Variants in PSMD9 observed in about 807,000 individuals in gnomAD.
PSMD9 encodes 26S proteasome non-ATPase regulatory subunit 9.
In PSMD9, 26 loss-of-function variants were observed where a neutral mutation model predicts 25.9. The observed-to-expected ratio is 1.00, with a 90% CI of 0.73 to 1.39. The LOEUF (loss-of-function observed/expected upper bound fraction) is 1.39. Ranked by LOEUF, PSMD9 falls within the 40% of genes most tolerant of loss-of-function variation. PSMD9 has a pLI of 0.00. For synonymous variants in PSMD9, 110 were observed against 114.5 expected, an observed-to-expected ratio of 0.96 and a Z score of 0.25; for missense variants, 303 against 299.3, an observed-to-expected ratio of 1.01 and a Z score of -0.09.
At chr12:121,907,377 G>GA (rs1565894430) in intron 4 of PSMD9, among the ~76,000 whole-genome samples, 1 of 141,222 alleles carries the variant, frequency 7.1e-6, no homozygotes. Context: ...GCCTTTCTTT[G>GA]TTTTTTTTTT....
chr12:121,892,708 AAAAAATT>A (rs1239286770), intron 1 of PSMD9, among the ~76,000 whole-genome samples: 1 of 152,084 alleles, frequency 6.6e-6, no homozygotes, highest in Non-Finnish European at 1.5e-5. Context: ...CTTTAAAAAA[AAAAAATT>A]AAAAATTAAA....
intron 1 of PSMD9, 165 bp from the exon 2 acceptor site, chr12:121,894,574 G>A (rs977219802): frequency 3.7e-5 from 23 of 620,556 alleles, no homozygotes; most frequent in African/African-American, 3.0e-4. Flanking sequence ...CCCACCCCAG[G>A]GTAGTTGTGA....
chr12:121,893,695 C>T (rs574480559), intron 1 of PSMD9: 1 of 152,402 alleles, frequency 6.6e-6, no homozygotes, highest in African/African-American at 2.4e-5. Flanking sequence ...CCTCCTGTGT[C>T]TGTCCCACAC....
At chr12:121,916,070 G>A in intron 5 of PSMD9, 126 bp downstream of exon 5, 1 of 1,214,484 alleles carries the variant, frequency 8.2e-7, no homozygotes, top group Non-Finnish European at 1.2e-6. Context: ...CATGGAAACT[G>A]CAGATAAATC....
Position 121,903,185 on chromosome 12 carries a change from A to G in PSMD9, c.555+78A>G, listed in dbSNP as rs539150569. The G allele has an allele frequency of 6.7e-5, 85 of 1,276,538 alleles. No individual in the cohort carries two copies. The East Asian group carries it at 1.9e-3, about 29-fold the overall frequency. 79.1% of individuals were successfully genotyped at this position (1,276,538 alleles called of 1,614,324 possible). On this transcript the variant is annotated intron_variant, in intron 4 of 5. Transcript: ENST00000541212. The stretch of plus-strand genomic sequence containing the variant: ...CCATAGACTGCGTGGCTTACAAACA[A>G]CAGAAGTTCATTTTTCACAGCTCTG...
chr12:121,913,696 C>G (rs1159103431), intron 4 of PSMD9, among the ~76,000 whole-genome samples: 2 of 151,608 alleles, frequency 1.3e-5, no homozygotes, highest in Non-Finnish European at 2.9e-5. Context: ...GACGAGATCT[C>G]TCTTTGTTGC....
chr12:121,899,537 A>G, intron 2 of PSMD9, 97 bp from the exon 3 acceptor site: 1 of 1,155,288 alleles, frequency 8.7e-7, no homozygotes, highest in South Asian at 1.5e-5. Flanking sequence ...CACATCTGGC[A>G]TGTAATAAGC....
At position 121,916,323 on chromosome 12, in the gene PSMD9, G is replaced by A. The variant is rs1879901342; in HGVS notation, c.*12G>A. 9.9e-6 allele frequency: 16 copies of A among 1,613,716 alleles called. No individual in the cohort carries two copies. In the East Asian group the frequency reaches 3.3e-4, roughly 34 times the overall value. On this transcript the variant is annotated 3_prime_UTR_variant, in exon 6 of 6. Transcript: ENST00000541212. ...CTCTGCAAAGATGATTGTCCCTGGG[G>A]AACAGTAACAGGAAAGCATCTTCCC...
At position 121,899,580 on chromosome 12, in the gene PSMD9, G is replaced by C. The variant is rs1879328345; in HGVS notation, c.242-54G>C. 23 of 1,479,562 alleles carry C rather than the reference G, an allele frequency of 1.6e-5. No individual in the cohort carries two copies. In the South Asian group the frequency reaches 2.9e-4, roughly 18 times the overall value. The allele number at this position is 1,479,562 out of a possible 1,614,324, so 91.7% of individuals were successfully genotyped here. On this transcript the variant is annotated intron_variant, in intron 2 of 5. Coordinates refer to ENST00000541212, the MANE Select transcript of PSMD9 (RefSeq NM_002813.7). Reference sequence around the variant, plus strand: ...AACTCTTCAGTGAATAAATGTAGGAGTCTTGTGTCCTCCACTGTCTTCCTT... The same window carrying C: ...AACTCTTCAGTGAATAAATGTAGGACTCTTGTGTCCTCCACTGTCTTCCTT...
chr12:121,916,532 G>A lies in PSMD9; in HGVS notation c.*221G>A, dbSNP rs1416518160. 15 of 584,912 alleles carry A rather than the reference G, an allele frequency of 2.6e-5. No homozygotes were observed. Among genetic ancestry groups the A allele is most frequent in the Non-Finnish European group, 6.0e-6 (2 of 331,076 alleles). 36.2% of individuals were successfully genotyped at this position (584,912 alleles called of 1,614,324 possible). On this transcript the variant is annotated 3_prime_UTR_variant, in exon 6 of 6. Coordinates refer to ENST00000541212, the MANE Select transcript of PSMD9 (RefSeq NM_002813.7). ...GGCCTCTTTCACAAATTAGGCCACG[G>A]CCCTAAATAGGAATTCCCTGGATTG...
Position 121,915,868 on chromosome 12 carries a change from G to A in PSMD9, c.568G>A (p.Val190Met). The change falls in exon 5 of 6, where the codon GTG becomes ATG. Residue 190 changes from valine (V) to methionine (M), a missense_variant. Physicochemically the swap from Val to Met is conservative, Grantham distance 21. Coordinates refer to ENST00000541212, the MANE Select transcript of PSMD9 (RefSeq NM_002813.7). ...ATTTTCTTTTCAGAAGCCCCTGAAT[G>A]TGACAGTGATCCGCAGGGGGGAAAA... is the stretch of plus-strand genomic sequence containing the variant. The part of the protein sequence containing the change: ...VQHSEGKPLN[V>M]TVIRRGEKHQ... The A allele has an allele frequency of 1.2e-6, 2 of 1,613,536 alleles. No individual in the cohort carries two copies. Among genetic ancestry groups the A allele is most frequent in the Non-Finnish European group, 1.7e-6 (2 of 1,179,746 alleles).
In PSMD9 at chr12:121,899,820, G is replaced by A. The variant is rs769997465; in HGVS notation, c.428G>A (p.Ser143Asn). Residue 143 changes from serine to asparagine, a missense_variant, in exon 3 of 6, where the codon AGC (serine) becomes AAC (asparagine). By Grantham distance (46) the Ser-to-Asn change is conservative (BLOSUM62 1). Coordinates refer to ENST00000541212, the MANE Select transcript of PSMD9 (RefSeq NM_002813.7). ...PRAFAKVNSISPGSPASIAGL... is the reference protein window; with the variant it reads ...PRAFAKVNSINPGSPASIAGL... ...GCCTTCGCCAAAGTGAACAGCATCA[G>A]CCCCGGCTCCCCAGCCAGCATCGCG... is the stretch of plus-strand genomic sequence containing the variant. 5.8e-5 allele frequency: 94 copies of A among 1,613,920 alleles called. No individual in the cohort carries two copies. The highest frequency in any genetic ancestry group is 4.9e-4 in the Middle Eastern group (3 of 6,080).
intron 4 of PSMD9, among the ~76,000 whole-genome samples, chr12:121,904,488 C>T (rs976087371): frequency 4.0e-5 from 6 of 150,430 alleles, no homozygotes; most frequent in African/African-American, 9.9e-5. Flanking sequence ...GAAGGAGAAT[C>T]GCTTGAACCC....
chr12:121,897,644 C>T (rs1390501099), intron 2 of PSMD9: 2 of 149,758 alleles, frequency 1.3e-5, no homozygotes, highest in Non-Finnish European at 2.9e-5. Flanking sequence ...AGGTGATCCG[C>T]CCGCCTCGGC....
chr12:121,891,278 A>G (rs1353340793), intron 1 of PSMD9, among the ~76,000 whole-genome samples: 1 of 138,622 alleles, frequency 7.2e-6, no homozygotes, highest in East Asian at 2.3e-4. Context: ...TGTGGGTGAC[A>G]GAGTGAGATG....
chr12:121,904,923 G>A (rs147954429), intron 4 of PSMD9, among the ~76,000 whole-genome samples: 87 of 151,242 alleles, frequency 5.8e-4, no homozygotes, highest in Non-Finnish European at 1.2e-3. Context: ...GAGCCACTGC[G>A]CCTGGTCTAT....
At chr12:121,909,628 G>A (rs1171327818) in intron 4 of PSMD9, among the ~76,000 whole-genome samples, 1 of 152,070 alleles carries the variant, frequency 6.6e-6, no homozygotes, top group Non-Finnish European at 1.5e-5. Flanking sequence ...GGCTGTGATT[G>A]CTTTTTGACA....
chr12:121,915,979 C>T, intron 5 of PSMD9, 35 bp downstream of exon 5: 1 of 1,583,740 alleles, frequency 6.3e-7, no homozygotes, highest in Non-Finnish European at 8.7e-7. Flanking sequence ...CTCACTGGGG[C>T]ATCATTTGAG....
At chr12:121,894,685 A>C (rs948159772) in intron 1 of PSMD9, 54 bp from the exon 2 acceptor site, 5 of 1,484,192 alleles carry the variant, frequency 3.4e-6, no homozygotes, top group Non-Finnish European at 4.7e-6. Context: ...GGGGAAAGAC[A>C]TCCTGGGGAC....
Sources: allele counts gnomAD v4.1 joint callset (sites outside exome capture counted in the v4.1 genomes callset), GRCh38; gene constraint gnomAD v4.1.1; transcripts MANE v1.5; gene names NCBI Gene and HGNC (gene_info 2026-07-23, HGNC 2026-07-21).